The following RANBP1 variants were observed in gnomAD, a reference collection of about 807,000 sequenced individuals.
The protein encoded by RANBP1 is ran-specific GTPase-activating protein.
In RANBP1, 16 loss-of-function variants were observed where a neutral mutation model predicts 31.4. The observed-to-expected ratio is 0.51, with a 90% CI of 0.34 to 0.77. The LOEUF (loss-of-function observed/expected upper bound fraction) is 0.77. Among genes scored for constraint, RANBP1 ranks in the 30% least tolerant of loss-of-function variants. The pLI is 0.01. For synonymous variants in RANBP1, 129 were observed against 140.5 expected (o/e 0.92, Z 0.58); for missense variants, 265 against 362.0 (o/e 0.73, Z 2.17).
intron 1 of RANBP1, chr22:20,116,876 ACT>A: frequency 1.3e-6 from 2 of 1,492,826 alleles, no homozygotes; most frequent in Non-Finnish European, 8.9e-7. Context: ...GTCTCCCCGC[ACT>A]CTACCTCGTT....
At chr22:20,120,516 GAC>G (rs1357911120) in intron 2 of RANBP1, among the ~76,000 whole-genome samples, 1 of 152,248 alleles carries the variant, frequency 6.6e-6, no homozygotes, top group Non-Finnish European at 1.5e-5. Context: ...AACCCTGTGA[GAC>G]AGTCTCTTGC....
chr22:20,117,252 GT>G (rs1336724568), intron 1 of RANBP1: 11 of 559,074 alleles, frequency 2.0e-5, no homozygotes, highest in Non-Finnish European at 2.5e-5. Flanking sequence ...CAACGTCATC[GT>G]CACGCGCCGG....
At position 20,117,624 on chromosome 22, in the gene RANBP1, C is replaced by T. The variant is rs1419341457; in HGVS notation, c.246+1194C>T. Reference sequence around the variant, plus strand: ...CGGAGCCAGCGACGACCGACCCAGCCGAGCCGCCGCCGCCGCCGCGCCCCC... The same window carrying T: ...CGGAGCCAGCGACGACCGACCCAGCTGAGCCGCCGCCGCCGCCGCGCCCCC... On this transcript the variant is annotated intron_variant, in intron 1 of 5. Transcript: ENST00000430524. The T allele has an allele frequency of 5.6e-6, 7 of 1,249,968 alleles. No individual in the cohort carries two copies. The East Asian group carries it at 1.5e-4, about 27-fold the overall frequency. The allele number at this position is 1,249,968 out of a possible 1,614,324, so 77.4% of individuals were successfully genotyped here. A position where few individuals can be genotyped will look rare whatever the true frequency, so the allele number is the denominator to read the frequency against.
intron 4 of RANBP1, 163 bp downstream of exon 4, chr22:20,125,599 G>C: frequency 6.6e-7 from 1 of 1,518,462 alleles, no homozygotes. Context: ...GCCATGCCCA[G>C]ACTGAAGCCA....
rs140729491 is a variant in RANBP1 at position 20,124,525 on chromosome 22, C to T, written c.542-783C>T. The T allele has an allele frequency of 5.9e-3, 900 of 152,826 alleles. 4 individuals are homozygous for T. The highest frequency in any genetic ancestry group is 9.1e-3 in the Non-Finnish European group (627 of 68,550). The allele number at this position is 152,826 out of a possible 1,614,324, so 9.5% of individuals were successfully genotyped here. ...GCATGTGGCCTGGACTGGGCATGGG[C>T]ACCTGGGATGGTCTGGGTTCTCAGG... is the stretch of plus-strand genomic sequence containing the variant. On this transcript the variant is annotated intron_variant, in intron 3 of 5. Coordinates refer to ENST00000430524, the MANE Select transcript of RANBP1 (RefSeq NM_001278639.2).
intron 3 of RANBP1, among the ~76,000 whole-genome samples, chr22:20,123,796 T>C (rs2147988695): frequency 6.6e-6 from 1 of 152,122 alleles, no homozygotes; most frequent in African/African-American, 2.4e-5. Context: ...TGTCTTTAGA[T>C]TGAACCTGCA....
chr22:20,122,274 C>T lies in RANBP1; in HGVS notation c.394C>T (p.Leu132=). 6.2e-7 allele frequency: 1 copy of T among 1,612,786 alleles called. No individual in the cohort carries two copies. The highest frequency in any genetic ancestry group is 8.5e-7 in the Non-Finnish European group (1 of 1,179,554). ...EEELFKMRAK[L]FRFASENDLP... ...CGGCTTTTCTTGCAGGCGGGCAAAA[C>T]TGTTCCGATTTGCCTCTGAGAACGA... The change falls in exon 3 of 6, where the codon CTG becomes TTG. Residue 132 remains leucine, a synonymous_variant. Coordinates refer to ENST00000430524, the MANE Select transcript of RANBP1 (RefSeq NM_001278639.2).
chr22:20,116,510 C>T (rs760581769), intron 1 of RANBP1, 80 bp downstream of exon 1: 2 of 1,612,470 alleles, frequency 1.2e-6, no homozygotes, highest in South Asian at 1.1e-5. Flanking sequence ...CCCTCTTTCT[C>T]CACCTCCTCC....
Position 20,116,114 on chromosome 22 carries a change from G to C in RANBP1, c.-71G>C, listed in dbSNP as rs760028349. On this transcript the variant is annotated 5_prime_UTR_variant, in exon 1 of 6. Transcript: ENST00000430524. ...TGCTCAGCATAGGGCACTGTCCATA[G>C]AGGGGTCACCACGTCGGCCACTCGT... is the stretch of plus-strand genomic sequence containing the variant. The C allele has an allele frequency of 6.2e-7, 1 of 1,612,290 alleles. No homozygotes were observed. The highest frequency in any genetic ancestry group is 8.5e-7 in the Non-Finnish European group (1 of 1,179,316).
In RANBP1 at chr22:20,127,132, G is replaced by T; in HGVS notation, c.*80G>T. 9 of 1,162,096 alleles carry T rather than the reference G, an allele frequency of 7.7e-6. No homozygotes were observed. Among genetic ancestry groups the T allele is most frequent in the Admixed American group, 3.0e-5 (1 of 33,328 alleles). The allele number at this position is 1,162,096 out of a possible 1,614,324, so 72.0% of individuals were successfully genotyped here. A position where few individuals can be genotyped will look rare whatever the true frequency, so the allele number is the denominator to read the frequency against. ...TTACCCTGCCCCTCTTTTTCGGTTT[G>T]TTTTTATTCTTTCATTTTTACAAGG... On this transcript the variant is annotated 3_prime_UTR_variant, in exon 6 of 6. Coordinates refer to ENST00000430524, the MANE Select transcript of RANBP1 (RefSeq NM_001278639.2).
chr22:20,116,744 C>T lies in RANBP1; in HGVS notation c.246+314C>T, dbSNP rs1260857452. On this transcript the variant is annotated intron_variant, in intron 1 of 5. Coordinates refer to ENST00000430524, the MANE Select transcript of RANBP1 (RefSeq NM_001278639.2). ...CAGCCCTGCCCCTCCCCCAGTCTAC[C>T]CTCCCGACCCCATTCCCGTCTCCTT... 46 of 1,395,890 alleles carry T rather than the reference C, an allele frequency of 3.3e-5. 1 individual carries two copies. In the South Asian group the frequency reaches 5.9e-4, roughly 18 times the overall value. The allele number at this position is 1,395,890 out of a possible 1,614,324, so 86.5% of individuals were successfully genotyped here.
intron 1 of RANBP1, 157 bp downstream of exon 1, chr22:20,116,587 C>T (rs1337488161): frequency 6.4e-7 from 1 of 1,555,182 alleles, no homozygotes; most frequent in Admixed American, 2.0e-5. Flanking sequence ...GCTCTCCTGG[C>T]CACAGCTCTC....
At position 20,116,161 on chromosome 22, in the gene RANBP1, C is replaced by T. The variant is rs199985781; in HGVS notation, c.-24C>T. On this transcript the variant is annotated 5_prime_UTR_variant, in exon 1 of 6. Coordinates refer to ENST00000430524, the MANE Select transcript of RANBP1 (RefSeq NM_001278639.2). ...TCGTGTTACTGGTGGCTCACTCTCA[C>T]CCTCCTGTCGCCTCCTCCTGGCCAT... 8.7e-6 allele frequency: 14 copies of T among 1,613,022 alleles called. No homozygotes were observed. The highest frequency in any genetic ancestry group is 2.7e-5 in the African/African-American group (2 of 74,954).
rs1422172072 is a variant in RANBP1, at chr22:20,119,697, A to G, written c.383+548A>G. On this transcript the variant is annotated intron_variant, in intron 2 of 5. Transcript: ENST00000430524. ...CGCCCAGCTAATTTTTTGTATTTTTAGTAGAGACGGAGTTTCACCGTATTA... is the reference window on the plus strand; with the variant it reads ...CGCCCAGCTAATTTTTTGTATTTTTGGTAGAGACGGAGTTTCACCGTATTA... Among the ~76,000 whole-genome samples the G allele has an allele frequency of 2.0e-5, 3 of 152,108 alleles. No homozygotes were observed. In the East Asian group the frequency reaches 5.8e-4, roughly 29 times the overall value.
intron 1 of RANBP1, chr22:20,116,870 C>T: frequency 6.3e-7 from 1 of 1,593,968 alleles, no homozygotes; most frequent in South Asian, 1.1e-5. Flanking sequence ...CCCAGCGTCT[C>T]CCCGCACTCT....
chr22:20,117,329 GT>G, intron 1 of RANBP1: 1 of 1,115,422 alleles, frequency 9.0e-7, no homozygotes, highest in South Asian at 3.0e-5. Context: ...GTGCGCGCGG[GT>G]GTCGCCGGGA....
chr22:20,117,290 C>T, intron 1 of RANBP1: 1 of 814,886 alleles, frequency 1.2e-6, no homozygotes. Flanking sequence ...CTTTAGCCAG[C>T]TCTAGAGGCG....
rs1306670985 is a variant in RANBP1, at chr22:20,126,844, G to A, written c.737-108G>A. ...CCAGGCAGGAGTCTGTCCCGAGGGC[G>A]GGCAAGCCGCTGTGGGTGGGTGACG... On this transcript the variant is annotated intron_variant, in intron 5 of 5. Coordinates refer to ENST00000430524, the MANE Select transcript of RANBP1 (RefSeq NM_001278639.2). 5 of 1,430,346 alleles carry A rather than the reference G, an allele frequency of 3.5e-6. No homozygotes were observed. The South Asian group carries it at 3.6e-5, about 10-fold the overall frequency. The allele number at this position is 1,430,346 out of a possible 1,614,324, so 88.6% of individuals were successfully genotyped here.
chr22:20,118,810 T>C (rs1447083606), intron 1 of RANBP1, among the ~76,000 whole-genome samples: 1 of 152,236 alleles, frequency 6.6e-6, no homozygotes, highest in South Asian at 2.1e-4. Context: ...GGTGTCTCAC[T>C]CTGTGCTCAC....
Sources: allele counts gnomAD v4.1 joint callset (sites outside exome capture counted in the v4.1 genomes callset), GRCh38; gene constraint gnomAD v4.1.1; transcripts MANE v1.5; gene names NCBI Gene and HGNC (gene_info 2026-07-23, HGNC 2026-07-21).